The following DNAH12 variants were observed in gnomAD, a reference collection of about 807,000 sequenced individuals.
The protein encoded by DNAH12 is axonemal beta dynein heavy chain 12.
In DNAH12, 285 loss-of-function variants were observed where a neutral mutation model predicts 371.5. The observed-to-expected ratio is 0.77, with a 90% confidence interval of 0.70 to 0.85. The LOEUF (loss-of-function observed/expected upper bound fraction) is 0.85. Ranked by LOEUF, DNAH12 falls within the 40% of genes least tolerant of loss-of-function variation. The pLI, the probability that DNAH12 is intolerant of heterozygous loss-of-function variation, is 0.00. For synonymous variants in DNAH12, 1,200 were observed against 1,213.0 expected (o/e 0.99, Z 0.22); for missense variants, 3,611 against 3,689.4 (o/e 0.98, Z 0.55).
chr3:57,449,630 G>A (rs992175195), intron 25 of DNAH12, among the ~76,000 whole-genome samples: 2 of 152,236 alleles, frequency 1.3e-5, no homozygotes, highest in Non-Finnish European at 2.9e-5. Context: ...GGGCTGGCCG[G>A]CTGCTCAGAG....
chr3:57,467,105 G>T (rs1411052571), intron 17 of DNAH12, among the ~76,000 whole-genome samples: 1 of 152,016 alleles, frequency 6.6e-6, no homozygotes, highest in African/African-American at 2.4e-5. Context: ...ACTTGATGAT[G>T]AGAATAGCTC....
chr3:57,383,153 G>A (rs2063431004), intron 49 of DNAH12, among the ~76,000 whole-genome samples: 1 of 152,144 alleles, frequency 6.6e-6, no homozygotes, highest in Non-Finnish European at 1.5e-5. Context: ...GCGTGGCTTT[G>A]TGAGTCATTC....
Position 57,309,164 on chromosome 3 carries a change from C to T in DNAH12, c.11176G>A (p.Glu3726Lys), listed in dbSNP as rs1434436787. Residue 3726 changes from glutamate (E) to lysine (K), a missense_variant, in exon 69 of 74, where the codon GAA (glutamate) becomes AAA (lysine). Physicochemically the swap from Glu to Lys is moderately conservative, Grantham distance 56. Coordinates refer to ENST00000495027, the MANE Select transcript of DNAH12 (RefSeq NM_001366028.2). ...ATAGATCCTTACTTGTTAAATCTTTCCATTTCTTGTACTAACACAGTATTC... is the reference window on the plus strand; with the variant it reads ...ATAGATCCTTACTTGTTAAATCTTTTCATTTCTTGTACTAACACAGTATTC... The part of the protein sequence containing the change: ...SMNTVLVQEM[E>K]RFNNLIITIR... 1 of 1,543,038 alleles carries T rather than the reference C, an allele frequency of 6.5e-7. No homozygotes were observed.
chr3:57,506,341 A>G (rs1230384185), intron 8 of DNAH12, among the ~76,000 whole-genome samples: 2 of 152,230 alleles, frequency 1.3e-5, no homozygotes, highest in Non-Finnish European at 2.9e-5. Flanking sequence ...CTCGAAATTT[A>G]CCACTGTGGG....
At chr3:57,489,400 A>G in intron 12 of DNAH12, 109 bp downstream of exon 12, 1 of 1,162,686 alleles carries the variant, frequency 8.6e-7, no homozygotes, top group Non-Finnish European at 1.1e-6. Context: ...ATGGAGAAAA[A>G]GTTGTACGTA....
At chr3:57,319,743 A>AT (rs35617325) in intron 65 of DNAH12, among the ~76,000 whole-genome samples, 34,441 of 143,296 alleles carry the variant, frequency 0.24, 4,381 homozygotes, top group East Asian at 0.44. Flanking sequence ...CACCTTGCTA[A>AT]TTTTTTTTTT....
chr3:57,478,729 G>T (rs1346827343), intron 13 of DNAH12, among the ~76,000 whole-genome samples: 1 of 152,206 alleles, frequency 6.6e-6, no homozygotes, highest in African/African-American at 2.4e-5. Context: ...TGAGCTCTTG[G>T]CAGAAACTCT....
chr3:57,421,797 G>T, intron 35 of DNAH12, 91 bp from the exon 36 acceptor site: 1 of 1,390,806 alleles, frequency 7.2e-7, no homozygotes, highest in Non-Finnish European at 9.9e-7. Context: ...ATTAGGATAT[G>T]CTCAACTTAC....
intron 67 of DNAH12, among the ~76,000 whole-genome samples, chr3:57,310,129 G>A (rs2061555898): frequency 6.6e-6 from 1 of 152,190 alleles, no homozygotes; most frequent in Non-Finnish European, 1.5e-5. Context: ...AACTGGCACT[G>A]AGATGAGTCT....
At chr3:57,414,703 T>C (rs922895689) in intron 38 of DNAH12, among the ~76,000 whole-genome samples, 1 of 152,108 alleles carries the variant, frequency 6.6e-6, no homozygotes, top group South Asian at 2.1e-4. Flanking sequence ...TGCTTTCTTA[T>C]AGTTCTAATA....
intron 59 of DNAH12, among the ~76,000 whole-genome samples, chr3:57,356,484 TAAATA>T (rs1334854920): frequency 7.7e-5 from 11 of 142,734 alleles, no homozygotes; most frequent in African/African-American, 2.5e-4. Context: ...AATAAATAAA[TAAATA>T]AAATAAAGAA....
At chr3:57,459,999 T>G (rs1318298933) in intron 19 of DNAH12, among the ~76,000 whole-genome samples, 2 of 152,092 alleles carry the variant, frequency 1.3e-5, no homozygotes, top group South Asian at 2.1e-4. Context: ...TGGAAATGAC[T>G]GTAACATTAT....
chr3:57,494,110 G>A (rs1341893934), intron 11 of DNAH12, among the ~76,000 whole-genome samples: 2 of 152,170 alleles, frequency 1.3e-5, no homozygotes, highest in African/African-American at 4.8e-5. Context: ...GCACACGCCT[G>A]TTGTTCCAGC....
At chr3:57,369,961 A>G (rs1365079494) in intron 55 of DNAH12, among the ~76,000 whole-genome samples, 1 of 152,198 alleles carries the variant, frequency 6.6e-6, no homozygotes, top group African/African-American at 2.4e-5. Flanking sequence ...ATACTGGAAA[A>G]TTGGATTGTT....
At chr3:57,402,997 A>G (rs1188314598) in intron 43 of DNAH12, among the ~76,000 whole-genome samples, 1 of 152,188 alleles carries the variant, frequency 6.6e-6, no homozygotes, top group East Asian at 1.9e-4. Context: ...AGTGTAGTGG[A>G]TAAGACTTGA....
chr3:57,415,937 C>G (rs968447759), intron 37 of DNAH12, among the ~76,000 whole-genome samples: 5 of 151,668 alleles, frequency 3.3e-5, no homozygotes, highest in African/African-American at 1.2e-4. Flanking sequence ...TACAGGCATG[C>G]ACCACCACAC....
chr3:57,441,951 A>T, intron 29 of DNAH12, among the ~76,000 whole-genome samples: 1 of 152,178 alleles, frequency 6.6e-6, no homozygotes, highest in Non-Finnish European at 1.5e-5. Context: ...AAACAGCCAG[A>T]GGAGTATAAA....
At chr3:57,429,624 T>C in intron 33 of DNAH12, 67 bp downstream of exon 33, 1 of 1,415,014 alleles carries the variant, frequency 7.1e-7, no homozygotes, top group South Asian at 1.4e-5. Context: ...TAATAAAAAA[T>C]ACTTATTGGC....
At chr3:57,520,050 AAAG>A in intron 4 of DNAH12, 4 of 619,056 alleles carry the variant, frequency 6.5e-6, no homozygotes, top group Non-Finnish European at 1.1e-5. Context: ...TGGGTTGGGG[AAAG>A]CCGGAGGCTG....
Sources: gnomAD v4.1 joint callset for allele counts (sites outside exome capture counted in the v4.1 genomes callset) on GRCh38, gnomAD v4.1.1 for gene constraint, MANE v1.5 for transcripts, NCBI Gene and HGNC (gene_info 2026-07-23, HGNC 2026-07-21) for gene names.